Variants in NELL1 observed in about 807,000 individuals in gnomAD.
The protein encoded by NELL1 is neural EGFL like 1, also known as protein kinase C-binding protein NELL1.
NELL1 carries 76 observed loss-of-function variants against 107.4 expected under a neutral mutation model. The ratio of observed to expected loss-of-function variants is 0.71; its 90% CI spans 0.59 to 0.86. The LOEUF is 0.86. NELL1 is among the 40% of genes least tolerant of loss of function. The pLI is 0.00. For missense variants in NELL1, 1,024 were observed against 1,005.5 expected (o/e 1.02, Z -0.25); for synonymous variants, 353 against 341.2 (o/e 1.03, Z -0.38).
chr11:21,168,558 A>G (rs999064001), intron 13 of NELL1, among the ~76,000 whole-genome samples: 6 of 151,738 alleles, frequency 4.0e-5, no homozygotes, highest in Non-Finnish European at 8.8e-5. Flanking sequence ...TGACTCATCC[A>G]TTAACATGGT....
chr11:21,373,982 A>G (rs887469037), intron 15 of NELL1, among the ~76,000 whole-genome samples: 1 of 152,082 alleles, frequency 6.6e-6, no homozygotes, highest in Non-Finnish European at 1.5e-5. Flanking sequence ...AACTAAAAGG[A>G]CAGAATGCCA....
intron 15 of NELL1, among the ~76,000 whole-genome samples, chr11:21,484,415 T>C (rs1382344981): frequency 6.6e-6 from 1 of 151,966 alleles, no homozygotes; most frequent in Non-Finnish European, 1.5e-5. Flanking sequence ...GGTGCTCAAC[T>C]TTATTCAATT....
At chr11:21,319,892 C>T (rs1274185494) in intron 14 of NELL1, among the ~76,000 whole-genome samples, 1 of 152,018 alleles carries the variant, frequency 6.6e-6, no homozygotes, top group Non-Finnish European at 1.5e-5. Flanking sequence ...GCTTTAGACT[C>T]TAAACTCCAT....
At chr11:20,855,596 T>C (rs2134067107) in intron 4 of NELL1, among the ~76,000 whole-genome samples, 1 of 152,336 alleles carries the variant, frequency 6.6e-6, no homozygotes, top group African/African-American at 2.4e-5. Context: ...GAAAATAGGC[T>C]GCAAGAGAAA....
chr11:21,143,074 G>A (rs1855902212), intron 13 of NELL1, among the ~76,000 whole-genome samples: 1 of 152,190 alleles, frequency 6.6e-6, no homozygotes. Flanking sequence ...ATCTGGGTAA[G>A]GATTTAAGGA....
chr11:20,674,704 A>G, intron 1 of NELL1: 1 of 640,638 alleles, frequency 1.6e-6, no homozygotes, highest in South Asian at 1.9e-5. Context: ...TGTTGTTTCC[A>G]CAATACTTTC....
intron 12 of NELL1, among the ~76,000 whole-genome samples, chr11:21,051,352 A>G (rs61136287): frequency 0.05 from 7,628 of 152,206 alleles, 655 homozygotes; most frequent in African/African-American, 0.17. Context: ...CAAAGGCATA[A>G]GAAGTATACA....
At chr11:20,951,260 T>C (rs1348729423) in intron 11 of NELL1, among the ~76,000 whole-genome samples, 2 of 152,236 alleles carry the variant, frequency 1.3e-5, no homozygotes, top group Admixed American at 6.5e-5. Flanking sequence ...AGTTATAACT[T>C]ATTTCCTCAA....
intron 3 of NELL1, among the ~76,000 whole-genome samples, chr11:20,796,209 A>G (rs988062881): frequency 6.6e-6 from 1 of 152,218 alleles, no homozygotes; most frequent in Non-Finnish European, 1.5e-5. Flanking sequence ...AGATGTTGTT[A>G]TAGATAATCT....
At chr11:20,727,470 G>T (rs1564882416) in intron 2 of NELL1, among the ~76,000 whole-genome samples, 3 of 152,010 alleles carry the variant, frequency 2.0e-5, no homozygotes, top group African/African-American at 4.8e-5. Flanking sequence ...TAAATTTGTT[G>T]GCGTTCATTG....
chr11:21,196,459 G>T (rs1857155352), intron 13 of NELL1, among the ~76,000 whole-genome samples: 1 of 151,970 alleles, frequency 6.6e-6, no homozygotes, highest in African/African-American at 2.4e-5. Flanking sequence ...CTTTGTCTTG[G>T]CATTCCTCTG....
intron 3 of NELL1, among the ~76,000 whole-genome samples, chr11:20,827,281 A>G (rs1857904876): frequency 6.6e-6 from 1 of 151,326 alleles, no homozygotes; most frequent in Admixed American, 6.7e-5. Flanking sequence ...CTCTGTAGAT[A>G]CTGTCAGTGC....
At chr11:21,414,025 A>G (rs1454953211) in intron 15 of NELL1, among the ~76,000 whole-genome samples, 1 of 152,066 alleles carries the variant, frequency 6.6e-6, no homozygotes, top group Non-Finnish European at 1.5e-5. Flanking sequence ...GGTATTTCTG[A>G]AGCCTTACAA....
In NELL1 at chr11:20,696,841, T is replaced by C. The variant is rs551463300; in HGVS notation, c.184+18781T>C. 2.0e-5 allele frequency among the ~76,000 whole-genome samples: 3 copies of C among 152,200 alleles called. No homozygotes were observed. The East Asian group carries it at 5.8e-4, about 29-fold the overall frequency. ...GAATAAGTCTAGTACTGTCACGTGG[T>C]TGGAGAGGATTTACAGACAGAAAAA... On this transcript the variant is annotated intron_variant, in intron 2 of 19. Coordinates refer to ENST00000357134, the MANE Select transcript of NELL1 (RefSeq NM_006157.5).
intron 16 of NELL1, among the ~76,000 whole-genome samples, chr11:21,539,124 C>A (rs974700739): frequency 3.3e-5 from 5 of 152,234 alleles, no homozygotes; most frequent in African/African-American, 9.6e-5. Flanking sequence ...AGTTCCCTGA[C>A]CCCCTTAGTA....
intron 14 of NELL1, among the ~76,000 whole-genome samples, chr11:21,334,879 G>T (rs768017453): frequency 2.6e-5 from 4 of 151,926 alleles, no homozygotes; most frequent in Non-Finnish European, 5.9e-5. Flanking sequence ...TACTGAGGGA[G>T]CAGAAAGAGG....
At chr11:20,702,572 A>G (rs111877803) in intron 2 of NELL1, among the ~76,000 whole-genome samples, 2,266 of 152,204 alleles carry the variant, frequency 0.015, 55 homozygotes, top group African/African-American at 0.052. Context: ...GAGAGAGGGC[A>G]TCCCTCTCTT....
intron 2 of NELL1, among the ~76,000 whole-genome samples, chr11:20,706,336 C>G (rs1854953475): frequency 6.6e-6 from 1 of 151,938 alleles, no homozygotes; most frequent in African/African-American, 2.4e-5. Flanking sequence ...TACTATGCAG[C>G]CATAAAAAAT....
At chr11:20,772,974 T>TA (rs1347988613) in intron 2 of NELL1, among the ~76,000 whole-genome samples, 1 of 152,190 alleles carries the variant, frequency 6.6e-6, no homozygotes, top group Non-Finnish European at 1.5e-5. Flanking sequence ...CTAGCAAAAA[T>TA]AAAAAATTCA....
Sources: allele counts gnomAD v4.1 joint callset (sites outside exome capture counted in the v4.1 genomes callset), GRCh38; gene constraint gnomAD v4.1.1; transcripts MANE v1.5; gene names NCBI Gene and HGNC (gene_info 2026-07-23, HGNC 2026-07-21).